STK39: variants seen among roughly 807,000 people sequenced by gnomAD.
STK39 encodes serine/threonine kinase 39, also known as STE20/SPS1-related proline-alanine-rich protein kinase.
A neutral mutation model predicts 77.8 loss-of-function variants in STK39; 20 were observed. The observed-to-expected ratio is 0.26, with a 90% CI of 0.18 to 0.37. The LOEUF (loss-of-function observed/expected upper bound fraction) is 0.37. Ranked by LOEUF, STK39 falls within the 10% of genes least tolerant of loss-of-function variation. The pLI is 1.00. For synonymous variants in STK39, 246 were observed against 234.1 expected, an observed-to-expected ratio of 1.05 and a Z score of -0.47; for missense variants, 479 against 656.5, an observed-to-expected ratio of 0.73 and a Z score of 2.95.
intron 14 of STK39, among the ~76,000 whole-genome samples, chr2:168,059,100 G>A (rs573024783): frequency 2.0e-5 from 3 of 152,306 alleles, no homozygotes; most frequent in Admixed American, 1.3e-4. Context: ...TGCAAGTGCT[G>A]TTTGCTCGGC....
chr2:168,211,693 T>G (rs16855123), intron 1 of STK39, among the ~76,000 whole-genome samples: 11,214 of 152,248 alleles, frequency 0.074, 983 homozygotes, highest in East Asian at 0.24. Flanking sequence ...ACGCCCTGTC[T>G]TACGTCTCTG....
chr2:168,089,006 C>T (rs1287239924), intron 10 of STK39, among the ~76,000 whole-genome samples: 3 of 152,286 alleles, frequency 2.0e-5, no homozygotes, highest in Non-Finnish European at 4.4e-5. Context: ...CTCTAGATTT[C>T]GAAGAGACTC....
intron 1 of STK39, among the ~76,000 whole-genome samples, chr2:168,241,300 C>T (rs1381580823): frequency 2.0e-5 from 3 of 152,180 alleles, no homozygotes; most frequent in Non-Finnish European, 4.4e-5. Context: ...GGGAGCGTTT[C>T]TTTTAGTCAG....
At chr2:168,049,223 A>T (rs976056350) in intron 14 of STK39, among the ~76,000 whole-genome samples, 2 of 152,232 alleles carry the variant, frequency 1.3e-5, no homozygotes, top group African/African-American at 4.8e-5. Context: ...CTACCACCTA[A>T]CATCCAGAAC....
chr2:168,162,157 G>A (rs779391319), intron 4 of STK39, among the ~76,000 whole-genome samples: 25 of 151,954 alleles, frequency 1.6e-4, no homozygotes, highest in Middle Eastern at 3.4e-3. Flanking sequence ...ATGGTGGCAG[G>A]TGCCTGTAAT....
intron 16 of STK39, among the ~76,000 whole-genome samples, chr2:167,980,497 A>C (rs1683387114): frequency 6.6e-6 from 1 of 152,232 alleles, no homozygotes; most frequent in African/African-American, 2.4e-5. Flanking sequence ...TTAATGAGAT[A>C]GTAAATCTAC....
chr2:168,148,322 T>C (rs1688194593), intron 5 of STK39, among the ~76,000 whole-genome samples: 1 of 152,194 alleles, frequency 6.6e-6, no homozygotes, highest in African/African-American at 2.4e-5. Context: ...ACCAGACCTC[T>C]GGGCACTGAA....
intron 17 of STK39, among the ~76,000 whole-genome samples, chr2:167,960,491 A>G (rs1691921202): frequency 6.6e-6 from 1 of 152,082 alleles, no homozygotes; most frequent in Admixed American, 6.5e-5. Flanking sequence ...CAGCCAAAAA[A>G]CCCTAAGAAG....
intron 16 of STK39, among the ~76,000 whole-genome samples, chr2:167,987,972 T>C (rs1683602643): frequency 6.6e-6 from 1 of 152,186 alleles, no homozygotes; most frequent in Non-Finnish European, 1.5e-5. Flanking sequence ...GGAACTCGTA[T>C]TTGCTCCATT....
At chr2:168,065,479 C>CAAACGATCATAAAGCAATATTTACCA in intron 12 of STK39, 98 bp from the exon 13 acceptor site, 1 of 1,251,082 alleles carries the variant, frequency 8.0e-7, no homozygotes, top group Non-Finnish European at 1.2e-6. Context: ...CAATAATTTC[C>CAAACGATCATAAAGCAATATTTACCA]AAACGATCAT....
chr2:168,088,838 A>G (rs1686439268), intron 10 of STK39, among the ~76,000 whole-genome samples: 1 of 152,186 alleles, frequency 6.6e-6, no homozygotes, highest in Non-Finnish European at 1.5e-5. Context: ...GAGGCCCAAT[A>G]AATAACCCTC....
chr2:168,092,481 A>G (rs1426442822), intron 10 of STK39, among the ~76,000 whole-genome samples: 1 of 152,248 alleles, frequency 6.6e-6, no homozygotes, highest in Non-Finnish European at 1.5e-5. Context: ...TAATTCATCT[A>G]TTTTCCTAAC....
At chr2:168,201,255 C>T (rs10930311) in intron 1 of STK39, among the ~76,000 whole-genome samples, 48,863 of 152,078 alleles carry the variant, frequency 0.32, 8,113 homozygotes, top group East Asian at 0.46. Context: ...TATTTAAATT[C>T]GCAGCCCACG....
intron 10 of STK39, among the ~76,000 whole-genome samples, chr2:168,105,574 C>T (rs780108296): frequency 1.3e-5 from 2 of 152,044 alleles, no homozygotes; most frequent in South Asian, 2.1e-4. Context: ...CAAGCTCAGG[C>T]GGACAAGGTG....
chr2:168,184,176 A>G (rs1439860875), intron 1 of STK39, among the ~76,000 whole-genome samples: 1 of 152,262 alleles, frequency 6.6e-6, no homozygotes, highest in Non-Finnish European at 1.5e-5. Flanking sequence ...GATACCTCTC[A>G]TAGTTAAGTC....
At chr2:167,968,140 G>A (rs1692212860) in intron 16 of STK39, among the ~76,000 whole-genome samples, 1 of 152,168 alleles carries the variant, frequency 6.6e-6, no homozygotes. Context: ...TCATGGCTGT[G>A]TGGTTTTCCG....
rs577797961 is a variant in STK39, at chr2:168,182,732, A to G, written c.209-642T>C. Among the ~76,000 whole-genome samples, 5 of 152,350 alleles carry G rather than the reference A, an allele frequency of 3.3e-5. No individual in the cohort carries two copies. The South Asian group carries it at 8.3e-4, about 25-fold the overall frequency. On this transcript the variant is annotated intron_variant, in intron 1 of 17. Transcript: ENST00000355999. ...AAGAGACAGAGTCATGTCATTATCC[A>G]TATTTTATAAGAGCAAAATGTAGAC... is the stretch of plus-strand genomic sequence containing the variant.
chr2:168,099,968 C>G (rs1477878096), intron 10 of STK39, among the ~76,000 whole-genome samples: 1 of 152,090 alleles, frequency 6.6e-6, no homozygotes, highest in African/African-American at 2.4e-5. Flanking sequence ...CAGCCTATTT[C>G]AAGTGGAACA....
At chr2:168,044,379 A>G (rs1452041034) in intron 14 of STK39, among the ~76,000 whole-genome samples, 1 of 152,218 alleles carries the variant, frequency 6.6e-6, no homozygotes, top group Non-Finnish European at 1.5e-5. Context: ...GGCCACTACG[A>G]TAAGTTTGGA....
Sources: allele counts gnomAD v4.1 joint callset (sites outside exome capture counted in the v4.1 genomes callset), GRCh38; gene constraint gnomAD v4.1.1; transcripts MANE v1.5; gene names NCBI Gene and HGNC (gene_info 2026-07-23, HGNC 2026-07-21).